The following TRDMT1 variants were observed in gnomAD, a reference collection of about 807,000 sequenced individuals.
TRDMT1 encodes the protein tRNA (cytosine(38)-C(5))-methyltransferase.
TRDMT1 carries 49 observed loss-of-function variants against 51.2 expected under a neutral mutation model. The observed-to-expected ratio is 0.96, with a 90% confidence interval of 0.76 to 1.21. The LOEUF (loss-of-function observed/expected upper bound fraction) is 1.21, where lower values mean the gene tolerates loss of function less well. Ranked by LOEUF, TRDMT1 falls within the 50% of genes most tolerant of loss-of-function variation. The pLI, the probability that TRDMT1 is intolerant of heterozygous loss-of-function variation, is 0.00. For missense variants in TRDMT1, 534 were observed against 462.3 expected (o/e 1.16, Z -1.42); for synonymous variants, 187 against 164.6 (o/e 1.14, Z -1.04).
chr10:17,197,660 G>T (rs1018022632), intron 1 of TRDMT1, among the ~76,000 whole-genome samples: 4 of 152,086 alleles, frequency 2.6e-5, no homozygotes, highest in African/African-American at 9.7e-5. Flanking sequence ...ATAACAAAAA[G>T]AAAATTCCAA....
chr10:17,173,772 CTTTTTTTT>C (rs34140507), intron 2 of TRDMT1, among the ~76,000 whole-genome samples: 1 of 121,010 alleles, frequency 8.3e-6, no homozygotes. Context: ...AACACAATTT[CTTTTTTTT>C]TTTTTTTTTT....
Position 17,147,211 on chromosome 10 carries a change from CA to C in TRDMT1, c.*1828del. 2.0e-6 allele frequency: 2 copies of C among 985,644 alleles called. No individual in the cohort carries two copies. Among genetic ancestry groups the C allele is most frequent in the Non-Finnish European group, 1.2e-6 (1 of 829,880 alleles). 61.1% of individuals were successfully genotyped at this position (985,644 alleles called of 1,614,324 possible). On this transcript the variant is annotated 3_prime_UTR_variant, in exon 11 of 11. Coordinates refer to ENST00000377799, the MANE Select transcript of TRDMT1 (RefSeq NM_004412.7). ...GAACAGAACCTACATGAAAGTGTGC[CA>C]AAATAATTTGTGATTGTTTACTGAA...
chr10:17,162,119 G>A (rs1840444649), intron 4 of TRDMT1, 47 bp downstream of exon 4: 1 of 1,500,814 alleles, frequency 6.7e-7, no homozygotes, highest in African/African-American at 1.4e-5. Flanking sequence ...TTCCAGACCT[G>A]GAGTTTCAAA....
At chr10:17,156,612 G>A (rs1440772321) in intron 8 of TRDMT1, among the ~76,000 whole-genome samples, 1 of 152,100 alleles carries the variant, frequency 6.6e-6, no homozygotes, top group East Asian at 1.9e-4. Context: ...AAATGTTCAA[G>A]TAATAACCCA....
chr10:17,196,005 A>C (rs1845374484), intron 1 of TRDMT1, among the ~76,000 whole-genome samples: 1 of 152,246 alleles, frequency 6.6e-6, no homozygotes, highest in South Asian at 2.1e-4. Flanking sequence ...TCCTTAGGTG[A>C]CATTCATATC....
At chr10:17,196,882 T>C (rs1845518406) in intron 1 of TRDMT1, among the ~76,000 whole-genome samples, 1 of 152,166 alleles carries the variant, frequency 6.6e-6, no homozygotes, top group African/African-American at 2.4e-5. Flanking sequence ...TGGAAGAACT[T>C]AAACAAACGA....
In TRDMT1 at chr10:17,151,313, G is replaced by T. The variant is rs1838702663; in HGVS notation, c.1076-2173C>A. 4.1e-6 allele frequency: 4 copies of T among 985,236 alleles called. No homozygotes were observed. In the South Asian group the frequency reaches 1.4e-4, roughly 35 times the overall value. 61.0% of individuals were successfully genotyped at this position (985,236 alleles called of 1,614,324 possible). A position where few individuals can be genotyped will look rare whatever the true frequency, so the allele number is the denominator to read the frequency against. ...AATCCTCAAAAACAAAGAAACATGGGATGAACAAGGTCAAGATATCAGCTT... is the reference window on the plus strand; with the variant it reads ...AATCCTCAAAAACAAAGAAACATGGTATGAACAAGGTCAAGATATCAGCTT... On this transcript the variant is annotated intron_variant, in intron 10 of 10. Transcript: ENST00000377799.
chr10:17,146,763 A>T lies in TRDMT1; in HGVS notation c.*2277T>A. 1 of 985,454 alleles carries T rather than the reference A, an allele frequency of 1.0e-6. No homozygotes were observed. 61.0% of individuals were successfully genotyped at this position (985,454 alleles called of 1,614,324 possible). A position where few individuals can be genotyped will look rare whatever the true frequency, so the allele number is the denominator to read the frequency against. On this transcript the variant is annotated 3_prime_UTR_variant, in exon 11 of 11. Transcript: ENST00000377799. ...ATCAGGAAACAGAATTTCCAGTGCAAATTTTATATACAGCATTATTACCAA... is the reference window on the plus strand; with the variant it reads ...ATCAGGAAACAGAATTTCCAGTGCATATTTTATATACAGCATTATTACCAA...
intron 1 of TRDMT1, among the ~76,000 whole-genome samples, chr10:17,180,934 T>C (rs1264952663): frequency 6.6e-6 from 1 of 152,366 alleles, no homozygotes; most frequent in African/African-American, 2.4e-5. Context: ...TTACATCAAA[T>C]TAAATTTTGC....
Position 17,142,687 on chromosome 10 carries a change from T to G in TRDMT1, c.*6353A>C, listed in dbSNP as rs1325914845. 1 of 152,358 alleles carries G rather than the reference T, an allele frequency of 6.6e-6. No individual in the cohort carries two copies. Among genetic ancestry groups the G allele is most frequent in the African/African-American group, 2.4e-5 (1 of 41,448 alleles). 9.4% of individuals were successfully genotyped at this position (152,358 alleles called of 1,614,324 possible). Reference sequence around the variant, plus strand: ...CCGACCAGACTTCAGTTCCCTCTTCTGTAGGAACGAGCCTCTCTGGGCTGT... The same window carrying G: ...CCGACCAGACTTCAGTTCCCTCTTCGGTAGGAACGAGCCTCTCTGGGCTGT... On this transcript the variant is annotated 3_prime_UTR_variant, in exon 11 of 11. Transcript: ENST00000377799.
At chr10:17,198,919 C>A (rs7072634) in intron 1 of TRDMT1, among the ~76,000 whole-genome samples, 41,296 of 151,916 alleles carry the variant, frequency 0.27, 5,897 homozygotes, top group Middle Eastern at 0.37. Context: ...ATGTATAGAT[C>A]CAAGGAAGTT....
Position 17,138,938 on chromosome 10 carries a change from A to G in TRDMT1, c.*10102T>C, listed in dbSNP as rs1465802958. ...AGCTTCCTAATTGTAACTCAAGCAA[A>G]TGTTACAGAAAACATAAAATATGCA... On this transcript the variant is annotated 3_prime_UTR_variant, in exon 11 of 11. Transcript: ENST00000377799. 4.6e-5 allele frequency among the ~76,000 whole-genome samples: 7 copies of G among 152,180 alleles called. No individual in the cohort carries two copies. The highest frequency in any genetic ancestry group is 1.7e-4 in the African/African-American group (7 of 41,442).
In TRDMT1 at chr10:17,140,561, A is replaced by T. The variant is rs763465581; in HGVS notation, c.*8479T>A. Among the ~76,000 whole-genome samples, 3 of 152,194 alleles carry T rather than the reference A, an allele frequency of 2.0e-5. No individual in the cohort carries two copies. Among genetic ancestry groups the T allele is most frequent in the Non-Finnish European group, 4.4e-5 (3 of 68,030 alleles). The stretch of plus-strand genomic sequence containing the variant: ...TGTAGCTTCTGCTCTGGAGGAAAAA[A>T]GTCAGCAGGGGAGGGGATTATATTA... On this transcript the variant is annotated 3_prime_UTR_variant, in exon 11 of 11. Coordinates refer to ENST00000377799, the MANE Select transcript of TRDMT1 (RefSeq NM_004412.7).
At chr10:17,184,915 A>G (rs1000204890) in intron 1 of TRDMT1, among the ~76,000 whole-genome samples, 1 of 152,160 alleles carries the variant, frequency 6.6e-6, no homozygotes, top group African/African-American at 2.4e-5. Flanking sequence ...GAAGATTTAG[A>G]ATATGGATAT....
chr10:17,185,893 C>A (rs557182001), intron 1 of TRDMT1, among the ~76,000 whole-genome samples: 1 of 151,808 alleles, frequency 6.6e-6, no homozygotes, highest in Non-Finnish European at 1.5e-5. Flanking sequence ...CATCACACAC[C>A]GGGGCCTGTT....
At chr10:17,185,020 T>C (rs1025536593) in intron 1 of TRDMT1, among the ~76,000 whole-genome samples, 1 of 152,172 alleles carries the variant, frequency 6.6e-6, no homozygotes, top group African/African-American at 2.4e-5. Flanking sequence ...GCAAGTTTCT[T>C]TGTGTCTTTA....
Position 17,144,857 on chromosome 10 carries a change from A to C in TRDMT1, c.*4183T>G. 3 of 985,274 alleles carry C rather than the reference A, an allele frequency of 3.0e-6. No individual in the cohort carries two copies. The highest frequency in any genetic ancestry group is 3.6e-6 in the Non-Finnish European group (3 of 829,872). The allele number at this position is 985,274 out of a possible 1,614,324, so 61.0% of individuals were successfully genotyped here. ...AAGCTTTAAAATTTCACCAGCAAAG[A>C]CAAGAAATAGTGAAAGGGAAAATGA... On this transcript the variant is annotated 3_prime_UTR_variant, in exon 11 of 11. Coordinates refer to ENST00000377799, the MANE Select transcript of TRDMT1 (RefSeq NM_004412.7).
chr10:17,179,897 T>C (rs907422292), intron 1 of TRDMT1, among the ~76,000 whole-genome samples: 12 of 152,186 alleles, frequency 7.9e-5, no homozygotes, highest in African/African-American at 2.4e-4. Context: ...AAAGGATTTT[T>C]TTAACACAGG....
chr10:17,177,254 T>G lies in TRDMT1; in HGVS notation c.65-2594A>C, dbSNP rs187694349. On this transcript the variant is annotated intron_variant, in intron 1 of 10. Coordinates refer to ENST00000377799, the MANE Select transcript of TRDMT1 (RefSeq NM_004412.7). The stretch of plus-strand genomic sequence containing the variant: ...CTCTGTTGCCCAGGCTGGAGTTCAG[T>G]GGCATGATCTCGGCTCACTGCAACC... Among the ~76,000 whole-genome samples, 76 of 151,912 alleles carry G rather than the reference T, an allele frequency of 5.0e-4. 1 individual carries two copies. The highest frequency in any genetic ancestry group is 9.9e-4 in the Non-Finnish European group (67 of 67,972).
Sources: allele counts gnomAD v4.1 joint callset (sites outside exome capture counted in the v4.1 genomes callset), GRCh38; gene constraint gnomAD v4.1.1; transcripts MANE v1.5; gene names NCBI Gene and HGNC (gene_info 2026-07-23, HGNC 2026-07-21).